The following COBL variants were observed in gnomAD, a reference collection of about 807,000 sequenced individuals.
The protein encoded by COBL is cordon-bleu WH2 repeat protein.
A neutral mutation model predicts 98.8 loss-of-function variants in COBL; 51 were observed. That is an observed-to-expected ratio of 0.52 (90% CI 0.41 to 0.65). COBL has a LOEUF of 0.65. Among genes scored for constraint, COBL ranks in the 30% least tolerant of loss-of-function variants. The pLI is 0.00. For missense variants in COBL, 1,617 were observed against 1,617.5 expected (o/e 1.00, Z 0.01); for synonymous variants, 634 against 651.7 (o/e 0.97, Z 0.41).
intron 1 of COBL, among the ~76,000 whole-genome samples, chr7:51,310,952 G>A (rs1414688931): frequency 3.3e-5 from 5 of 151,914 alleles, no homozygotes; most frequent in East Asian, 1.9e-4. Context: ...CACTGAGCCC[G>A]GCCGGTTGTA....
chr7:51,053,979 G>C (rs1199189242), intron 7 of COBL, among the ~76,000 whole-genome samples: 1 of 152,234 alleles, frequency 6.6e-6, no homozygotes, highest in Non-Finnish European at 1.5e-5. Context: ...TCAGGATTTC[G>C]AGACCAGCCT....
At chr7:51,196,526 G>A (rs1366607520) in intron 2 of COBL, among the ~76,000 whole-genome samples, 1 of 152,252 alleles carries the variant, frequency 6.6e-6, no homozygotes, top group Non-Finnish European at 1.5e-5. Flanking sequence ...AAATGAGTTA[G>A]AGAGGAGTCC....
chr7:51,125,817 C>T (rs1445969024), intron 6 of COBL, among the ~76,000 whole-genome samples: 3 of 152,188 alleles, frequency 2.0e-5, no homozygotes, highest in Non-Finnish European at 4.4e-5. Flanking sequence ...TCCGCGTACT[C>T]ATTCAAGTCC....
intron 1 of COBL, among the ~76,000 whole-genome samples, chr7:51,235,265 G>T (rs1458985947): frequency 6.6e-6 from 1 of 152,154 alleles, no homozygotes; most frequent in East Asian, 1.9e-4. Context: ...TGGCCCCCAG[G>T]TTTGGAGGAC....
intron 1 of COBL, among the ~76,000 whole-genome samples, chr7:51,226,345 G>A (rs1794178972): frequency 6.6e-6 from 1 of 152,202 alleles, no homozygotes; most frequent in South Asian, 2.1e-4. Flanking sequence ...GCAATAGGAT[G>A]TTTGCTTCAT....
chr7:51,277,960 T>C (rs898573246), intron 1 of COBL, among the ~76,000 whole-genome samples: 3 of 152,108 alleles, frequency 2.0e-5, no homozygotes, highest in Admixed American at 1.3e-4. Context: ...ATAGGGCAGA[T>C]TCATTTCGTT....
At chr7:51,034,765 AG>A (rs1788468691) in intron 8 of COBL, 2 of 152,212 alleles carry the variant, frequency 1.3e-5, no homozygotes, top group Non-Finnish European at 2.9e-5. Flanking sequence ...AAACCTGCCC[AG>A]ATGTTTTTCT....
rs1251654331 is a variant in COBL, at chr7:51,016,756, G to C, written c.*795C>G. 9 of 394,532 alleles carry C rather than the reference G, an allele frequency of 2.3e-5. No homozygotes were observed. Among genetic ancestry groups the C allele is most frequent in the Non-Finnish European group, 3.6e-5 (8 of 224,160 alleles). 24.4% of individuals were successfully genotyped at this position (394,532 alleles called of 1,614,324 possible). A position where few individuals can be genotyped will look rare whatever the true frequency, so the allele number is the denominator to read the frequency against. On this transcript the variant is annotated 3_prime_UTR_variant, in exon 13 of 13. Transcript: ENST00000265136. ...TCCGTACACAGGCACCGTGGGGGAG[G>C]CCTATGTCACTTCATAGCCTGGGGA...
At chr7:51,242,253 G>A (rs188342642) in intron 1 of COBL, among the ~76,000 whole-genome samples, 1 of 152,270 alleles carries the variant, frequency 6.6e-6, no homozygotes, top group African/African-American at 2.4e-5. Flanking sequence ...TTTACACAGG[G>A]TGTACACCAA....
chr7:51,205,799 C>A (rs1791642399), intron 2 of COBL, among the ~76,000 whole-genome samples: 1 of 152,096 alleles, frequency 6.6e-6, no homozygotes, highest in African/African-American at 2.4e-5. Flanking sequence ...GGAGAAAATA[C>A]TTGACAGCCA....
intron 5 of COBL, among the ~76,000 whole-genome samples, chr7:51,173,754 G>A (rs1302860585): frequency 3.9e-5 from 6 of 152,212 alleles, no homozygotes; most frequent in Admixed American, 1.3e-4. Context: ...GCTGTGTTAG[G>A]AGAATAAATA....
chr7:51,277,024 G>A (rs1230173961), intron 1 of COBL, among the ~76,000 whole-genome samples: 2 of 152,104 alleles, frequency 1.3e-5, no homozygotes, highest in African/African-American at 2.4e-5. Context: ...CAGCCCTCCT[G>A]TCCTCACACC....
At position 51,183,350 on chromosome 7, in the gene COBL, A is replaced by C. The variant is rs116454991; in HGVS notation, c.783+752T>G. Among the ~76,000 whole-genome samples the C allele has an allele frequency of 3.7e-3, 557 of 152,370 alleles. 4 individuals carry two copies. The highest frequency in any genetic ancestry group is 0.013 in the African/African-American group (536 of 41,590). On this transcript the variant is annotated intron_variant, in intron 5 of 12. Transcript: ENST00000265136. ...TTAGTCTTACTTATTAGTAAGGATA[A>C]AATACTAGATATTAGTAAAATATAC...
At chr7:51,287,057 T>C (rs971083770) in intron 1 of COBL, among the ~76,000 whole-genome samples, 11 of 152,052 alleles carry the variant, frequency 7.2e-5, no homozygotes, top group African/African-American at 1.4e-4. Flanking sequence ...GAGCTAAACA[T>C]TGAGTACACA....
intron 5 of COBL, among the ~76,000 whole-genome samples, chr7:51,144,546 T>C (rs1231680997): frequency 1.3e-5 from 2 of 152,222 alleles, no homozygotes; most frequent in Non-Finnish European, 2.9e-5. Context: ...ATGTGTGTAA[T>C]AACATAAAAT....
chr7:51,048,319 T>TATAA (rs1405148637), intron 7 of COBL, among the ~76,000 whole-genome samples: 2 of 152,202 alleles, frequency 1.3e-5, no homozygotes, highest in African/African-American at 4.8e-5. Flanking sequence ...TTAATTGTGT[T>TATAA]ATAAATACTA....
chr7:51,065,634 G>T (rs1392466902), intron 7 of COBL, among the ~76,000 whole-genome samples: 1 of 152,170 alleles, frequency 6.6e-6, no homozygotes, highest in African/African-American at 2.4e-5. Context: ...CAGAGTCCGG[G>T]TCTCCCCTGT....
intron 5 of COBL, among the ~76,000 whole-genome samples, chr7:51,179,009 G>A (rs1788677481): frequency 6.6e-6 from 1 of 152,118 alleles, no homozygotes; most frequent in Non-Finnish European, 1.5e-5. Flanking sequence ...ATCTCATTTT[G>A]AAATCAAGTG....
At chr7:51,092,517 A>G (rs888086844) in intron 6 of COBL, among the ~76,000 whole-genome samples, 7 of 152,144 alleles carry the variant, frequency 4.6e-5, no homozygotes, top group African/African-American at 1.7e-4. Context: ...AACTTTACCA[A>G]CATCATTTAC....
Sources: allele counts gnomAD v4.1 joint callset (sites outside exome capture counted in the v4.1 genomes callset), GRCh38; gene constraint gnomAD v4.1.1; transcripts MANE v1.5; gene names NCBI Gene and HGNC (gene_info 2026-07-23, HGNC 2026-07-21).